The following EBF3 variants were observed in gnomAD, a reference collection of about 807,000 sequenced individuals.
EBF3 encodes the protein EBF transcription factor 3, also known as transcription factor COE3.
In EBF3, 18 loss-of-function variants were observed where a neutral mutation model predicts 77.1. The ratio of observed to expected loss-of-function variants is 0.23; its 90% CI spans 0.16 to 0.35. The LOEUF (loss-of-function observed/expected upper bound fraction) is 0.35, where lower values mean the gene tolerates loss of function less well. Among genes scored for constraint, EBF3 ranks in the 10% least tolerant of loss-of-function variants. The probability of loss-of-function intolerance (pLI) is 1.00; values close to 1 mark genes in which losing one functional copy is unlikely to be tolerated. For missense variants in EBF3, 558 were observed against 860.0 expected (o/e 0.65, Z 4.39); for synonymous variants, 350 against 343.5 (o/e 1.02, Z -0.21).
At position 129,926,365 on chromosome 10, in the gene EBF3, C is replaced by T. The variant is rs74629833; in HGVS notation, c.554+30893G>A. 2.0e-5 allele frequency among the ~76,000 whole-genome samples: 3 copies of T among 152,280 alleles called. No individual in the cohort carries two copies. The East Asian group carries it at 5.8e-4, about 30-fold the overall frequency. ...AAGGCCTAGAGAGTGATGCACACGG[C>T]CTGGCTGGTGTGAAGGTGGGGGTGC... On this transcript the variant is annotated intron_variant, in intron 6 of 16. Coordinates refer to ENST00000440978, the MANE Select transcript of EBF3 (RefSeq NM_001375380.1).
chr10:129,863,730 G>C lies in EBF3; in HGVS notation c.1039+3411C>G, dbSNP rs1851800639. Among the ~76,000 whole-genome samples the C allele has an allele frequency of 6.6e-6, 1 of 152,192 alleles. No homozygotes were observed. Among genetic ancestry groups the C allele is most frequent in the Non-Finnish European group, 1.5e-5 (1 of 68,032 alleles). On this transcript the variant is annotated intron_variant, in intron 10 of 16. Coordinates refer to ENST00000440978, the MANE Select transcript of EBF3 (RefSeq NM_001375380.1). This position sits in a 1 kb window ranked among gnomAD's most constrained non-coding sequence, Gnocchi z 4.0. Reference sequence around the variant, plus strand: ...TGCAATTCCCGGTGATTACCTCATTGTCCCCATCAATTTTGGGGCAATGCA... The same window carrying C: ...TGCAATTCCCGGTGATTACCTCATTCTCCCCATCAATTTTGGGGCAATGCA...
intron 4 of EBF3, among the ~76,000 whole-genome samples, chr10:129,961,873 A>G (rs553858831): frequency 3.1e-4 from 47 of 152,348 alleles, no homozygotes; most frequent in Middle Eastern, 3.4e-3. Context: ...AAAATAAACA[A>G]GAGGGGGGAC....
At position 129,836,326 on chromosome 10, in the gene EBF3, T is replaced by TAAAC. The variant is rs1158589668; in HGVS notation, c.*1613_*1616dup. On this transcript the variant is annotated 3_prime_UTR_variant, in exon 17 of 17. Transcript: ENST00000440978. ...ACTTTAGGCCTCTGAATTTTTCCAGTAAACACAGTTCAGCTATGTGGCAAA... is the reference window on the plus strand; with the variant it reads ...ACTTTAGGCCTCTGAATTTTTCCAGTAAACAAACACAGTTCAGCTATGTGGCAAA... The TAAAC allele has an allele frequency of 6.6e-6, 1 of 152,554 alleles. No individual in the cohort carries two copies. Among genetic ancestry groups the TAAAC allele is most frequent in the East Asian group, 1.9e-4 (1 of 5,194 alleles). The allele number at this position is 152,554 out of a possible 1,614,324, so 9.5% of individuals were successfully genotyped here.
At chr10:129,840,180 C>T (rs1291245935) in intron 15 of EBF3, 65 bp downstream of exon 15, 13 of 1,299,818 alleles carry the variant, frequency 1.0e-5, no homozygotes, top group South Asian at 1.4e-5. Context: ...GAGCCCCCAC[C>T]CCCACTCCCA....
In EBF3 at chr10:129,882,262, T is replaced by C. The variant is rs527816123; in HGVS notation, c.555-4413A>G. 6.4e-4 allele frequency among the ~76,000 whole-genome samples: 98 copies of C among 152,376 alleles called. 1 individual carries two copies. The highest frequency in any genetic ancestry group is 2.3e-3 in the African/African-American group (95 of 41,600). ...CATTATGAACTGTTTAAATTCTACATGGGTATTGTGTAAATTGGCCCTTTG... is the reference window on the plus strand; with the variant it reads ...CATTATGAACTGTTTAAATTCTACACGGGTATTGTGTAAATTGGCCCTTTG... On this transcript the variant is annotated intron_variant, in intron 6 of 16. Transcript: ENST00000440978.
chr10:129,877,962 A>G, intron 6 of EBF3, 113 bp from the exon 7 acceptor site: 3 of 802,054 alleles, frequency 3.7e-6, no homozygotes, highest in South Asian at 1.8e-5. Flanking sequence ...CACAGCTTCC[A>G]CACTTCCCTC....
intron 6 of EBF3, among the ~76,000 whole-genome samples, chr10:129,914,079 T>C (rs1484652483): frequency 1.3e-5 from 2 of 152,294 alleles, no homozygotes; most frequent in Non-Finnish European, 2.9e-5. Flanking sequence ...GATCCCAATG[T>C]AAAAATCTGT....
At chr10:129,852,117 T>C (rs1315769798) in intron 10 of EBF3, among the ~76,000 whole-genome samples, 1 of 152,122 alleles carries the variant, frequency 6.6e-6, no homozygotes, top group African/African-American at 2.4e-5. Flanking sequence ...CAGGCCAGTA[T>C]CCAGAGCGGG....
intron 6 of EBF3, among the ~76,000 whole-genome samples, chr10:129,933,261 G>C (rs1857149061): frequency 6.6e-6 from 1 of 152,188 alleles, no homozygotes; most frequent in Admixed American, 6.5e-5. Flanking sequence ...CAAACCGCAG[G>C]GGATGCGGCC....
intron 6 of EBF3, among the ~76,000 whole-genome samples, chr10:129,929,486 G>A (rs1273669234): frequency 1.3e-5 from 2 of 152,290 alleles, no homozygotes; most frequent in Admixed American, 6.5e-5. Flanking sequence ...AATTACAGAC[G>A]TGAGCCACCA....
In EBF3 at chr10:129,957,337, A is replaced by G; in HGVS notation, c.486-11T>C. ...TTGTCACAGCACCGGCTGTGGAGCA[A>G]TTGTAAACAGTGGTTTTAATATGCA... On this transcript the variant is annotated splice_polypyrimidine_tract_variant and intron_variant, in intron 5 of 16. Transcript: ENST00000440978. 6.2e-7 allele frequency: 1 copy of G among 1,600,166 alleles called. No homozygotes were observed. The highest frequency in any genetic ancestry group is 1.1e-5 in the South Asian group (1 of 88,638).
intron 6 of EBF3, among the ~76,000 whole-genome samples, chr10:129,912,979 G>C (rs1308539623): frequency 6.6e-6 from 1 of 152,200 alleles, no homozygotes; most frequent in African/African-American, 2.4e-5. Context: ...TAGCAGCTTT[G>C]TATCATTCCC....
At chr10:129,922,910 C>T (rs1420804419) in intron 6 of EBF3, among the ~76,000 whole-genome samples, 6 of 152,200 alleles carry the variant, frequency 3.9e-5, no homozygotes, top group Non-Finnish European at 2.9e-5. Flanking sequence ...GTGAGGCCCC[C>T]CCGACCATGT....
At chr10:129,883,260 G>A (rs1853333650) in intron 6 of EBF3, among the ~76,000 whole-genome samples, 1 of 152,182 alleles carries the variant, frequency 6.6e-6, no homozygotes, top group South Asian at 2.1e-4. Context: ...TGACTCCTAG[G>A]TGCGCGCCTA....
Position 129,963,734 on chromosome 10 carries a change from C to T in EBF3, c.35G>A (p.Gly12Glu), listed in dbSNP as rs765260153. Residue 12 changes from glycine to glutamate, a missense_variant, in exon 1 of 17, where the codon GGG (glycine) becomes GAG (glutamate). Gly to Glu is a moderately conservative substitution (Grantham distance 98, BLOSUM62 -2). Around this residue, in one of 5 missense-constraint regions of EBF3, gnomAD observed 64 missense variants for 54.5 expected, o/e 1.18. Coordinates refer to ENST00000440978, the MANE Select transcript of EBF3 (RefSeq NM_001375380.1). The surrounding 1 kb of genome is among the most constrained non-coding windows in gnomAD (Gnocchi z 7.1). ...CAGCGGCTCCTCCTTCATGGTCGTC[C>T]CCCCGCGCGGAATATTCTCCTGAAT... Reference protein sequence around the residue: ...FGIQENIPRGGTTMKEEPLGS... With the variant: ...FGIQENIPRGETTMKEEPLGS... 1 of 1,535,018 alleles carries T rather than the reference C, an allele frequency of 6.5e-7. No homozygotes were observed. The highest frequency in any genetic ancestry group is 8.8e-7 in the Non-Finnish European group (1 of 1,133,814).
intron 6 of EBF3, among the ~76,000 whole-genome samples, chr10:129,884,754 C>T (rs781380617): frequency 2.0e-5 from 3 of 152,172 alleles, no homozygotes; most frequent in Non-Finnish European, 4.4e-5. Flanking sequence ...ACACGCTATC[C>T]TGCATGTAAA....
chr10:129,906,780 G>T (rs1855177854), intron 6 of EBF3, among the ~76,000 whole-genome samples: 2 of 151,750 alleles, frequency 1.3e-5, no homozygotes, highest in Non-Finnish European at 2.9e-5. Context: ...CTGTCAAAAT[G>T]TCCAGTGTAT....
intron 6 of EBF3, among the ~76,000 whole-genome samples, chr10:129,887,067 G>GGGGGGGA (rs1853656212): frequency 2.2e-5 from 2 of 92,312 alleles, no homozygotes; most frequent in African/African-American, 3.8e-5. Flanking sequence ...GGGGGGGGGG[G>GGGGGGGA]AGGTGAATAG....
intron 6 of EBF3, among the ~76,000 whole-genome samples, chr10:129,942,973 T>C (rs890611210): frequency 3.9e-5 from 6 of 152,212 alleles, no homozygotes; most frequent in Non-Finnish European, 7.3e-5. Context: ...CATTCTAATT[T>C]ACAGCATGCA....
Sources: allele counts gnomAD v4.1 joint callset (sites outside exome capture counted in the v4.1 genomes callset), GRCh38; gene constraint gnomAD v4.1.1; regional missense constraint gnomAD v4.1.1; non-coding constraint Gnocchi (gnomAD v3.1); transcripts MANE v1.5; gene names NCBI Gene and HGNC (gene_info 2026-07-23, HGNC 2026-07-21).